Variants in RSBN1L observed in about 807,000 individuals in gnomAD.
RSBN1L encodes round spermatid basic protein 1 like, also known as lysine-specific demethylase RSBN1L.
RSBN1L carries 30 observed loss-of-function variants against 67.7 expected under a neutral mutation model. The observed-to-expected ratio is 0.44, with a 90% CI of 0.33 to 0.60. RSBN1L has a LOEUF of 0.60. Among genes scored for constraint, RSBN1L ranks in the 20% least tolerant of loss-of-function variants. The pLI, the probability that RSBN1L is intolerant of heterozygous loss-of-function variation, is 0.02. For missense variants in RSBN1L, 992 were observed against 1,031.7 expected (o/e 0.96, Z 0.53); for synonymous variants, 433 against 387.0 (o/e 1.12, Z -1.39).
intron 1 of RSBN1L, among the ~76,000 whole-genome samples, chr7:77,726,920 T>G (rs1396831799): frequency 6.6e-6 from 1 of 151,512 alleles, no homozygotes; most frequent in Admixed American, 6.6e-5. Context: ...ATGCTGGCAT[T>G]ACAGGTGTGA....
At chr7:77,764,634 T>A (rs1281866105) in intron 3 of RSBN1L, among the ~76,000 whole-genome samples, 1 of 151,598 alleles carries the variant, frequency 6.6e-6, no homozygotes, top group East Asian at 1.9e-4. Context: ...TTTCTTTCTT[T>A]TTTTTTTTTT....
chr7:77,725,395 G>A (rs1471067541), intron 1 of RSBN1L, among the ~76,000 whole-genome samples: 1 of 32,894 alleles, frequency 3.0e-5, no homozygotes, highest in African/African-American at 5.3e-4. Flanking sequence ...TTACAGGCAT[G>A]CGCCACCATG....
At chr7:77,758,666 G>A (rs1791653673) in intron 3 of RSBN1L, among the ~76,000 whole-genome samples, 1 of 152,132 alleles carries the variant, frequency 6.6e-6, no homozygotes, top group African/African-American at 2.4e-5. Flanking sequence ...ACAGGAGTGA[G>A]CATACAGGCC....
chr7:77,724,043 G>A (rs1190816348), intron 1 of RSBN1L, among the ~76,000 whole-genome samples: 1 of 152,060 alleles, frequency 6.6e-6, no homozygotes, highest in Non-Finnish European at 1.5e-5. Context: ...CTCCCAAAGT[G>A]CTAGGATTAC....
chr7:77,735,893 AAGGGTAAGGGAACCAACATCT>A (rs766797005), intron 1 of RSBN1L, among the ~76,000 whole-genome samples: 10 of 152,168 alleles, frequency 6.6e-5, no homozygotes, highest in Non-Finnish European at 1.0e-4. Context: ...AAAAGGAGCC[AAGGGTAAGGGAACCAACATCT>A]AGTCTTATGT....
At position 77,778,903 on chromosome 7, in the gene RSBN1L, C is replaced by T; in HGVS notation, c.2276C>T (p.Ser759Phe). 1 of 1,613,908 alleles carries T rather than the reference C, an allele frequency of 6.2e-7. No homozygotes were observed. Among genetic ancestry groups the T allele is most frequent in the Admixed American group, 1.7e-5 (1 of 59,990 alleles). Reference protein sequence around the residue: ...LQQIKHEPIASVRIKEEPVNV... With the variant: ...LQQIKHEPIAFVRIKEEPVNV... ...CAGATTAAACATGAACCTATTGCAT[C>T]TGTAAGAATCAAGGAAGAACCTGTG... Residue 759 changes from serine (S) to phenylalanine (F), a missense_variant, in exon 8 of 8, where the codon TCT becomes TTT. Physicochemically the swap from Ser to Phe is radical, Grantham distance 155. Transcript: ENST00000334955.
In RSBN1L at chr7:77,773,432, T is replaced by G. The variant is rs933059769; in HGVS notation, c.1793+118T>G. ...AAAAGTTTCATTTTTTACCCGTATT[T>G]GGATATCTTAATTGTATAATTGTAC... On this transcript the variant is annotated intron_variant, in intron 6 of 7. Transcript: ENST00000334955. 5 of 637,000 alleles carry G rather than the reference T, an allele frequency of 7.8e-6. No homozygotes were observed. The African/African-American group carries it at 9.3e-5, about 12-fold the overall frequency. 39.5% of individuals were successfully genotyped at this position (637,000 alleles called of 1,614,324 possible).
At position 77,696,838 on chromosome 7, in the gene RSBN1L, G is replaced by A. The variant is rs765046113; in HGVS notation, c.369G>A (p.Pro123=). 13 of 1,613,032 alleles carry A rather than the reference G, an allele frequency of 8.1e-6. No homozygotes were observed. The Admixed American group carries it at 2.0e-4, about 25-fold the overall frequency. The change falls in exon 1 of 8, where the codon CCG becomes CCA. Residue 123 remains proline, a synonymous_variant. Transcript: ENST00000334955. Reference sequence around the variant, plus strand: ...CAGCCTCCGCTTCCTTGTCTCAGCCGGTGCCGCGCAAACTGCTGGTCCCTC... The same window carrying A: ...CAGCCTCCGCTTCCTTGTCTCAGCCAGTGCCGCGCAAACTGCTGGTCCCTC... ...PSSASASLSQ[P]VPRKLLVPPT... is the part of the protein sequence containing the mutation.
intron 5 of RSBN1L, among the ~76,000 whole-genome samples, chr7:77,772,608 G>A (rs759348541): frequency 4.6e-5 from 7 of 152,306 alleles, no homozygotes; most frequent in Non-Finnish European, 1.0e-4. Context: ...AGCACTTACT[G>A]CTGGGTGTTT....
At chr7:77,755,338 C>A (rs972025277) in intron 3 of RSBN1L, among the ~76,000 whole-genome samples, 2 of 152,226 alleles carry the variant, frequency 1.3e-5, no homozygotes, top group South Asian at 2.1e-4. Context: ...ACCTGTAAGT[C>A]AAAAATATTT....
At chr7:77,726,510 A>G (rs1791204619) in intron 1 of RSBN1L, among the ~76,000 whole-genome samples, 2 of 152,216 alleles carry the variant, frequency 1.3e-5, no homozygotes, top group Admixed American at 1.3e-4. Context: ...GTAAATTTTA[A>G]AAACAAAATT....
In RSBN1L at chr7:77,778,949, G is replaced by T; in HGVS notation, c.2322G>T (p.Lys774Asn). 6.2e-7 allele frequency: 1 copy of T among 1,613,934 alleles called. No individual in the cohort carries two copies. The highest frequency in any genetic ancestry group is 1.1e-5 in the South Asian group (1 of 91,080). The change falls in exon 8 of 8, where the codon AAG (lysine) becomes AAT (asparagine). Residue 774 changes from lysine to asparagine, a missense_variant. Physicochemically the swap from Lys to Asn is moderately conservative, Grantham distance 94. Around this residue, in one of 7 missense-constraint regions of RSBN1L, gnomAD observed 199 missense variants for 167.7 expected, o/e 1.19. Transcript: ENST00000334955. ...EEPVNVNIPE[K>N]TTALNNMDGK... ...CTGTGAATGTTAATATTCCTGAAAA[G>T]ACTACAGCACTGAATAATATGGATG... is the stretch of plus-strand genomic sequence containing the variant.
At chr7:77,748,923 T>TTC (rs1219984751) in intron 2 of RSBN1L, among the ~76,000 whole-genome samples, 5 of 147,370 alleles carry the variant, frequency 3.4e-5, no homozygotes, top group South Asian at 2.1e-4. Flanking sequence ...GTCTCTCTCT[T>TTC]TCTCTCTCTC....
intron 6 of RSBN1L, among the ~76,000 whole-genome samples, chr7:77,775,911 C>T (rs1306041374): frequency 6.6e-6 from 1 of 152,088 alleles, no homozygotes; most frequent in Non-Finnish European, 1.5e-5. Context: ...CAAAAATTAG[C>T]TGGGCGTGGT....
intron 6 of RSBN1L, among the ~76,000 whole-genome samples, chr7:77,773,631 C>T (rs1358759643): frequency 6.6e-6 from 1 of 152,084 alleles, no homozygotes; most frequent in Non-Finnish European, 1.5e-5. Flanking sequence ...GGCGTGGTGG[C>T]GCACGCCTGT....
At chr7:77,751,654 ATTTAT>A (rs1328018425) in intron 3 of RSBN1L, among the ~76,000 whole-genome samples, 2 of 152,218 alleles carry the variant, frequency 1.3e-5, no homozygotes, top group Non-Finnish European at 2.9e-5. Context: ...AGTGTTTACT[ATTTAT>A]TGAGTACTGA....
At chr7:77,708,717 G>A (rs1584274850) in intron 1 of RSBN1L, among the ~76,000 whole-genome samples, 1 of 151,812 alleles carries the variant, frequency 6.6e-6, no homozygotes, top group East Asian at 1.9e-4. Flanking sequence ...AGCAAGACAT[G>A]GTTTTTTAGG....
intron 1 of RSBN1L, among the ~76,000 whole-genome samples, chr7:77,698,984 A>C (rs1164707256): frequency 6.6e-6 from 1 of 152,222 alleles, no homozygotes; most frequent in African/African-American, 2.4e-5. Flanking sequence ...TAACGAATTA[A>C]GAAGATTCTT....
chr7:77,766,328 G>GC (rs1791766072), intron 4 of RSBN1L, among the ~76,000 whole-genome samples: 1 of 152,120 alleles, frequency 6.6e-6, no homozygotes, highest in Non-Finnish European at 1.5e-5. Flanking sequence ...CGGATTACAG[G>GC]CACATGCCAT....
Sources: allele counts gnomAD v4.1 joint callset (sites outside exome capture counted in the v4.1 genomes callset), GRCh38; gene constraint gnomAD v4.1.1; regional missense constraint gnomAD v4.1.1; transcripts MANE v1.5; gene names NCBI Gene and HGNC (gene_info 2026-07-23, HGNC 2026-07-21).